The following MARCHF7 variants were observed in gnomAD, a reference collection of about 807,000 sequenced individuals.
MARCHF7 encodes the protein membrane associated ring-CH-type finger 7, also known as E3 ubiquitin-protein ligase MARCHF7.
MARCHF7 carries 20 observed loss-of-function variants against 76.5 expected under a neutral mutation model. The observed-to-expected ratio is 0.26, with a 90% CI of 0.18 to 0.38. MARCHF7 has a LOEUF of 0.38. MARCHF7 is among the 10% of genes least tolerant of loss of function. MARCHF7 has a pLI of 1.00. For synonymous variants in MARCHF7, 295 were observed against 293.0 expected, an observed-to-expected ratio of 1.01 and a Z score of -0.07; for missense variants, 797 against 812.9, an observed-to-expected ratio of 0.98 and a Z score of 0.24.
At chr2:159,713,070 G>C (rs2125205101) in intron 1 of MARCHF7, among the ~76,000 whole-genome samples, 1 of 152,336 alleles carries the variant, frequency 6.6e-6, no homozygotes, top group South Asian at 2.1e-4. Context: ...CAGGGCTCCG[G>C]CTCGGCCAGC....
chr2:159,746,016 C>T, intron 6 of MARCHF7, 79 bp downstream of exon 6: 2 of 1,129,452 alleles, frequency 1.8e-6, no homozygotes, highest in South Asian at 2.9e-5. Context: ...AACAACAGTA[C>T]AAAGGAGTAA....
At chr2:159,757,753 T>TA (rs1421245126) in intron 8 of MARCHF7, among the ~76,000 whole-genome samples, 3 of 152,182 alleles carry the variant, frequency 2.0e-5, no homozygotes, top group Non-Finnish European at 4.4e-5. Flanking sequence ...CCCTAAGATA[T>TA]AAGAGAATCT....
At chr2:159,732,469 A>G (rs1702930969) in intron 4 of MARCHF7, among the ~76,000 whole-genome samples, 1 of 152,020 alleles carries the variant, frequency 6.6e-6, no homozygotes, top group African/African-American at 2.4e-5. Flanking sequence ...TGCTTTGCTT[A>G]TTTAGTTTTG....
chr2:159,731,941 A>G (rs745361961), intron 4 of MARCHF7, among the ~76,000 whole-genome samples: 1 of 149,488 alleles, frequency 6.7e-6, no homozygotes, highest in Non-Finnish European at 1.5e-5. Flanking sequence ...CGTCTCCACT[A>G]AAATTACAAA....
chr2:159,724,331 A>T (rs1191619593), intron 3 of MARCHF7, among the ~76,000 whole-genome samples: 1 of 152,106 alleles, frequency 6.6e-6, no homozygotes, highest in East Asian at 1.9e-4. Flanking sequence ...TGCAGTTTCA[A>T]GATGGTATAT....
chr2:159,721,023 ATT>A (rs796198892), intron 3 of MARCHF7, among the ~76,000 whole-genome samples: 2 of 138,258 alleles, frequency 1.4e-5, no homozygotes, highest in African/African-American at 2.6e-5. Flanking sequence ...ACACACGGCT[ATT>A]TTTTTTTTTT....
At chr2:159,718,206 G>C (rs550612976) in intron 3 of MARCHF7, among the ~76,000 whole-genome samples, 95 of 152,328 alleles carry the variant, frequency 6.2e-4, no homozygotes, top group African/African-American at 2.2e-3. Context: ...GGCAGACTTT[G>C]AAGCTTGCAC....
chr2:159,751,265 T>A (rs1438562000), intron 7 of MARCHF7, among the ~76,000 whole-genome samples: 1 of 152,210 alleles, frequency 6.6e-6, no homozygotes, highest in East Asian at 1.9e-4. Flanking sequence ...TACCACTCTA[T>A]CTGGTTAATT....
chr2:159,744,232 C>T (rs1416016352), intron 5 of MARCHF7, among the ~76,000 whole-genome samples: 1 of 151,930 alleles, frequency 6.6e-6, no homozygotes, highest in Non-Finnish European at 1.5e-5. Flanking sequence ...TCGTGATCCG[C>T]CCACCTCGGC....
chr2:159,767,580 G>T lies in MARCHF7; in HGVS notation c.*238G>T. ...ATGTTTATAAACTGGTAATCAAAAA[G>T]GTTTTTTCTTTTAGGTGAGTGGGAA... On this transcript the variant is annotated 3_prime_UTR_variant, in exon 12 of 12. Coordinates refer to ENST00000409175, the MANE Select transcript of MARCHF7 (RefSeq NM_001282805.2). The T allele has an allele frequency of 2.9e-6, 1 of 345,642 alleles. No individual in the cohort carries two copies. Among genetic ancestry groups the T allele is most frequent in the Non-Finnish European group, 5.2e-6 (1 of 191,536 alleles). 21.4% of individuals were successfully genotyped at this position (345,642 alleles called of 1,614,324 possible). A position where few individuals can be genotyped will look rare whatever the true frequency, so the allele number is the denominator to read the frequency against.
chr2:159,760,708 C>CTTTTTTTTTTTTTTTTTTT (rs34933843), intron 9 of MARCHF7, among the ~76,000 whole-genome samples: 2 of 147,404 alleles, frequency 1.4e-5, no homozygotes, highest in South Asian at 4.2e-4. Flanking sequence ...CAGTTTTTTC[C>CTTTTTTTTTTTTTTTTTTT]TTTTTTGTTT....
At chr2:159,763,939 A>C (rs549415109) in intron 10 of MARCHF7, among the ~76,000 whole-genome samples, 2 of 152,312 alleles carry the variant, frequency 1.3e-5, no homozygotes, top group East Asian at 3.9e-4. Context: ...TTGACTTCTA[A>C]GTACTTTACA....
intron 3 of MARCHF7, among the ~76,000 whole-genome samples, chr2:159,718,074 T>C (rs962972224): frequency 1.4e-4 from 22 of 152,238 alleles, no homozygotes; most frequent in African/African-American, 5.3e-4. Context: ...GAACACATGC[T>C]GTGTGCCAGC....
At position 159,748,001 on chromosome 2, in the gene MARCHF7, T is replaced by G. The variant is rs1171496256; in HGVS notation, c.711T>G (p.Asn237Lys). The change falls in exon 7 of 12, where the codon AAT becomes AAG. Residue 237 changes from asparagine (N) to lysine (K), a missense_variant. By Grantham distance (94) the Asn-to-Lys change is moderately conservative. This residue lies in a region of MARCHF7 where 643 missense variants were observed against 631.5 expected (regional missense o/e 1.02). Transcript: ENST00000409175. Reference protein sequence around the residue: ...SSRESESSRSNTQPGFSYSSS... With the variant: ...SSRESESSRSKTQPGFSYSSS... ...GAGAATCAGAATCTTCCCGAAGCAA[T>G]ACGCAGCCTGGATTTTCTTACAGTT... The G allele has an allele frequency of 6.2e-7, 1 of 1,614,140 alleles. No homozygotes were observed. The highest frequency in any genetic ancestry group is 8.5e-7 in the Non-Finnish European group (1 of 1,180,010).
chr2:159,733,929 C>G, intron 4 of MARCHF7: 1 of 1,235,124 alleles, frequency 8.1e-7, no homozygotes. Context: ...AAGTTCCGAA[C>G]AGTTGATTTC....
intron 7 of MARCHF7, among the ~76,000 whole-genome samples, chr2:159,750,650 CAG>C (rs750925461): frequency 2.8e-4 from 43 of 152,090 alleles, no homozygotes; most frequent in Admixed American, 2.7e-3. Context: ...GACAAAAAAA[CAG>C]AGATCTTAGT....
Position 159,748,126 on chromosome 2 carries a change from C to T in MARCHF7, c.836C>T (p.Thr279Met), listed in dbSNP as rs1705124946. 8 of 1,613,786 alleles carry T rather than the reference C, an allele frequency of 5.0e-6. No individual in the cohort carries two copies. Among genetic ancestry groups the T allele is most frequent in the Middle Eastern group, 1.6e-4 (1 of 6,062 alleles). Residue 279 changes from threonine to methionine, a missense_variant, in exon 7 of 12, where the codon ACG becomes ATG. Coordinates refer to ENST00000409175, the MANE Select transcript of MARCHF7 (RefSeq NM_001282805.2). Reference protein sequence around the residue: ...ESSDNEGRRTTRRLLSRIASS... With the variant: ...ESSDNEGRRTMRRLLSRIASS... ...TCTGACAATGAAGGTAGGCGGACAA[C>T]GAGGAGATTGCTGTCACGCATAGCT...
Position 159,748,877 on chromosome 2 carries a change from A to G in MARCHF7, c.1587A>G (p.Pro529=). The change falls in exon 7 of 12, where the codon CCA becomes CCG. Residue 529 remains proline, a synonymous_variant. Coordinates refer to ENST00000409175, the MANE Select transcript of MARCHF7 (RefSeq NM_001282805.2). ...CTAAAAGTGCGCCTTCAAGAGATCC[A>G]GAAAGATTGCAGAAAATAAAAGAGA... The part of the protein sequence containing the change: ...DKTKSAPSRD[P]ERLQKIKESL... The G allele has an allele frequency of 6.2e-7, 1 of 1,608,646 alleles. No individual in the cohort carries two copies.
At chr2:159,724,868 T>G (rs1000841994) in intron 3 of MARCHF7, among the ~76,000 whole-genome samples, 11 of 152,178 alleles carry the variant, frequency 7.2e-5, no homozygotes, top group Non-Finnish European at 1.3e-4. Context: ...TGTGTGATGT[T>G]CCCTGCCCTG....
Sources: allele counts gnomAD v4.1 joint callset (sites outside exome capture counted in the v4.1 genomes callset), GRCh38; gene constraint gnomAD v4.1.1; regional missense constraint gnomAD v4.1.1; transcripts MANE v1.5; gene names NCBI Gene and HGNC (gene_info 2026-07-23, HGNC 2026-07-21).